ROBO2: variants seen among roughly 807,000 people sequenced by gnomAD.
ROBO2 encodes the protein roundabout homolog 2.
In ROBO2, 53 loss-of-function variants were observed where a neutral mutation model predicts 160.8. The ratio of observed to expected loss-of-function variants is 0.33; its 90% CI spans 0.26 to 0.41. The LOEUF is 0.41. ROBO2 is among the 10% of genes least tolerant of loss of function. The pLI is 1.00. For synonymous variants in ROBO2, 664 were observed against 611.7 expected, an observed-to-expected ratio of 1.09 and a Z score of -1.26; for missense variants, 1,577 against 1,722.4, an observed-to-expected ratio of 0.92 and a Z score of 1.49.
intron 2 of ROBO2, among the ~76,000 whole-genome samples, chr3:77,408,397 A>G (rs1372965282): frequency 6.6e-6 from 1 of 152,162 alleles, no homozygotes; most frequent in Non-Finnish European, 1.5e-5. Context: ...TTATTACCCT[A>G]GTCTTATAAT....
chr3:76,828,310 A>G (rs1209152441), intron 2 of ROBO2, among the ~76,000 whole-genome samples: 1 of 151,998 alleles, frequency 6.6e-6, no homozygotes, highest in Non-Finnish European at 1.5e-5. Context: ...TATACACTTT[A>G]TTTTATCTAT....
rs1188929409 is a variant in ROBO2, at chr3:76,322,195, TATATATATA to T, written c.109+384599_109+384607del. ...ATATATATATATATATATATATATA[TATATATATA>T]ATATACACACACATATATACACACA... is the stretch of plus-strand genomic sequence containing the variant. On this transcript the variant is annotated intron_variant, in intron 2 of 26. Coordinates refer to the ROBO2 transcript ENST00000487694. Among the ~76,000 whole-genome samples the T allele has an allele frequency of 2.4e-3, 247 of 101,896 alleles. 1 individual carries two copies. Among genetic ancestry groups the T allele is most frequent in the Non-Finnish European group, 2.5e-3 (115 of 45,236 alleles). 66.8% of individuals were successfully genotyped at this position (101,896 alleles called of 152,430 possible).
At chr3:77,462,822 A>G (rs2082378793) in intron 2 of ROBO2, among the ~76,000 whole-genome samples, 1 of 151,556 alleles carries the variant, frequency 6.6e-6, no homozygotes, top group Admixed American at 6.6e-5. Flanking sequence ...TCTTTCAGAG[A>G]TTGTTTTATG....
intron 2 of ROBO2, among the ~76,000 whole-genome samples, chr3:75,974,167 G>A (rs973286508): frequency 7.3e-5 from 11 of 151,614 alleles, no homozygotes; most frequent in African/African-American, 4.8e-5. Context: ...AATATAGTGC[G>A]TTTGGTGAAT....
chr3:76,917,202 C>T (rs578079602), intron 2 of ROBO2, among the ~76,000 whole-genome samples: 1 of 152,134 alleles, frequency 6.6e-6, no homozygotes, highest in Non-Finnish European at 1.5e-5. Context: ...GTATGGCAAT[C>T]AAGCCTCCCA....
At chr3:75,925,104 C>T (rs961457968) in intron 1 of ROBO2, among the ~76,000 whole-genome samples, 30 of 151,542 alleles carry the variant, frequency 2.0e-4, no homozygotes, top group African/African-American at 6.5e-4. Flanking sequence ...AAAAAACGGG[C>T]GGGGCCGGCT....
intron 2 of ROBO2, among the ~76,000 whole-genome samples, chr3:75,992,033 A>G (rs150342154): frequency 3.9e-5 from 6 of 152,294 alleles, no homozygotes; most frequent in East Asian, 3.9e-4. Flanking sequence ...CTGTAAAAGG[A>G]AGTCAGTTTT....
intron 4 of ROBO2, among the ~76,000 whole-genome samples, chr3:77,490,284 G>A (rs2085933873): frequency 1.3e-5 from 2 of 151,704 alleles, no homozygotes; most frequent in Non-Finnish European, 2.9e-5. Flanking sequence ...TAGAGACGGG[G>A]TTTCACCGTG....
At chr3:76,885,529 A>G (rs2148778484) in intron 2 of ROBO2, among the ~76,000 whole-genome samples, 1 of 152,320 alleles carries the variant, frequency 6.6e-6, no homozygotes, top group East Asian at 1.9e-4. Flanking sequence ...CATGATTCCT[A>G]CTGAAACTAT....
intron 2 of ROBO2, among the ~76,000 whole-genome samples, chr3:76,131,930 C>T (rs1034168172): frequency 5.3e-5 from 8 of 151,994 alleles, no homozygotes; most frequent in Non-Finnish European, 1.2e-4. Flanking sequence ...AATTAAATCA[C>T]GGTGACACGT....
intron 2 of ROBO2, among the ~76,000 whole-genome samples, chr3:76,306,506 A>C (rs1341139643): frequency 6.6e-6 from 1 of 152,196 alleles, no homozygotes; most frequent in Non-Finnish European, 1.5e-5. Context: ...ATTGGATAAA[A>C]ATGAATATAT....
chr3:77,059,928 T>TC (rs1465085942), intron 1 of ROBO2, among the ~76,000 whole-genome samples: 2 of 152,032 alleles, frequency 1.3e-5, no homozygotes, highest in African/African-American at 4.8e-5. Context: ...CTTCAGAGTA[T>TC]ATACTACACC....
chr3:77,581,393 C>T (rs1007392252), intron 16 of ROBO2, among the ~76,000 whole-genome samples: 2 of 152,010 alleles, frequency 1.3e-5, no homozygotes, highest in South Asian at 4.1e-4. Flanking sequence ...CCTCTAGATA[C>T]TGAGGATATT....
At chr3:76,253,798 C>A (rs1706187248) in intron 2 of ROBO2, among the ~76,000 whole-genome samples, 1 of 151,500 alleles carries the variant, frequency 6.6e-6, no homozygotes, top group South Asian at 2.1e-4. Context: ...ACTTAGAAAT[C>A]TCTCTTGGTG....
exon 26 of ROBO2, chr3:77,647,140 T>A (rs2095417974): frequency 6.6e-6 from 1 of 152,570 alleles, no homozygotes; most frequent in South Asian, 2.1e-4. Context: ...TATTGCAATA[T>A]CTTATTTCAT....
At chr3:77,093,346 C>A (rs975605016) in intron 1 of ROBO2, among the ~76,000 whole-genome samples, 2 of 152,066 alleles carry the variant, frequency 1.3e-5, no homozygotes, top group Non-Finnish European at 2.9e-5. Flanking sequence ...GATGAACAAC[C>A]CCCACTCCCC....
chr3:76,422,257 A>G (rs943877352), intron 2 of ROBO2, among the ~76,000 whole-genome samples: 1 of 152,316 alleles, frequency 6.6e-6, no homozygotes, highest in East Asian at 1.9e-4. Context: ...TGCCCACTCT[A>G]GTCTCTCCCA....
At chr3:77,293,438 T>G (rs1488351530) in intron 2 of ROBO2, among the ~76,000 whole-genome samples, 1 of 134,826 alleles carries the variant, frequency 7.4e-6, no homozygotes, top group Non-Finnish European at 1.6e-5. Context: ...TGAGGCTAGA[T>G]CACTAAAGAC....
At chr3:77,077,972 C>G (rs1332165673) in intron 1 of ROBO2, among the ~76,000 whole-genome samples, 2 of 152,120 alleles carry the variant, frequency 1.3e-5, no homozygotes, top group African/African-American at 4.8e-5. Context: ...AGTCTGCCCC[C>G]CAGCACACTG....
Sources: allele counts gnomAD v4.1 joint callset (sites outside exome capture counted in the v4.1 genomes callset), GRCh38; gene constraint gnomAD v4.1.1; transcripts MANE v1.5; gene names NCBI Gene and HGNC (gene_info 2026-07-23, HGNC 2026-07-21).